The following ROBO2 variants were observed in gnomAD, a reference collection of about 807,000 sequenced individuals.
ROBO2 encodes roundabout guidance receptor 2.
Under a neutral mutation model 160.8 loss-of-function variants are expected in ROBO2, and 53 were observed. That is an observed-to-expected ratio of 0.33 (90% CI 0.26 to 0.41). ROBO2 has a LOEUF of 0.41. Among genes scored for constraint, ROBO2 ranks in the 10% least tolerant of loss-of-function variants. The pLI is 1.00. For synonymous variants in ROBO2, 664 were observed against 611.7 expected (o/e 1.09, Z -1.26); for missense variants, 1,577 against 1,722.4 (o/e 0.92, Z 1.49).
At chr3:77,422,663 C>T (rs2153533608) in intron 2 of ROBO2, among the ~76,000 whole-genome samples, 1 of 152,202 alleles carries the variant, frequency 6.6e-6, no homozygotes, top group Non-Finnish European at 1.5e-5. Flanking sequence ...GTGTTCTTTA[C>T]ATTTATTTGA....
chr3:76,861,049 A>G (rs2070725790), intron 2 of ROBO2, among the ~76,000 whole-genome samples: 1 of 152,144 alleles, frequency 6.6e-6, no homozygotes, highest in South Asian at 2.1e-4. Flanking sequence ...CATCCAGTCA[A>G]TTCCATCAAG....
chr3:76,111,383 G>A (rs1029039926), intron 2 of ROBO2, among the ~76,000 whole-genome samples: 1 of 151,994 alleles, frequency 6.6e-6, no homozygotes, highest in Non-Finnish European at 1.5e-5. Context: ...TTGATACAAT[G>A]ATATTGAGCT....
At chr3:76,089,361 A>G (rs1015963396) in intron 2 of ROBO2, among the ~76,000 whole-genome samples, 5 of 152,112 alleles carry the variant, frequency 3.3e-5, no homozygotes, top group Admixed American at 3.3e-4. Context: ...CTAATAAAAA[A>G]AACCAAAGAT....
chr3:76,787,115 C>T (rs762551829), intron 2 of ROBO2, among the ~76,000 whole-genome samples: 82 of 151,020 alleles, frequency 5.4e-4, no homozygotes, highest in Non-Finnish European at 9.5e-4. Context: ...GAGGGAAGTC[C>T]GCTCTCATGA....
intron 2 of ROBO2, among the ~76,000 whole-genome samples, chr3:77,109,539 C>A (rs889733537): frequency 1.3e-5 from 2 of 151,944 alleles, no homozygotes; most frequent in Admixed American, 1.3e-4. Flanking sequence ...GTGTGAAATA[C>A]AGAGGAGAAG....
chr3:76,800,925 T>C (rs954938243), intron 2 of ROBO2, among the ~76,000 whole-genome samples: 2 of 152,188 alleles, frequency 1.3e-5, no homozygotes, highest in Non-Finnish European at 2.9e-5. Context: ...AGGAAATCAG[T>C]ATATTGAAGA....
chr3:76,975,409 G>C (rs2059767159), intron 2 of ROBO2, among the ~76,000 whole-genome samples: 1 of 152,194 alleles, frequency 6.6e-6, no homozygotes, highest in Non-Finnish European at 1.5e-5. Context: ...GGAGGCTGAG[G>C]CAGGAGAATC....
At chr3:76,580,343 T>TTTG (rs2085609765) in intron 2 of ROBO2, among the ~76,000 whole-genome samples, 8 of 7,294 alleles carry the variant, frequency 1.1e-3, no homozygotes, top group Non-Finnish European at 4.3e-3. Context: ...TTTTTTTGTG[T>TTTG]TTTTTTTTTT....
At chr3:76,318,748 A>G (rs926452903) in intron 2 of ROBO2, among the ~76,000 whole-genome samples, 10 of 152,126 alleles carry the variant, frequency 6.6e-5, no homozygotes, top group African/African-American at 2.2e-4. Context: ...CATTTTTTTT[A>G]GTTTTCAAAT....
At chr3:77,527,444 A>G in intron 6 of ROBO2, 30 bp downstream of exon 7, 1 of 1,281,980 alleles carries the variant, frequency 7.8e-7, no homozygotes, top group Non-Finnish European at 1.0e-6. Flanking sequence ...TCCACTAAGC[A>G]TGGCTTTGCA....
chr3:77,640,394 G>T (rs1271010619), intron 24 of ROBO2, among the ~76,000 whole-genome samples: 2 of 152,140 alleles, frequency 1.3e-5, no homozygotes, highest in Non-Finnish European at 2.9e-5. Flanking sequence ...ATTTACAGGC[G>T]TGAGCCACTG....
chr3:77,341,297 A>G (rs760128927), intron 2 of ROBO2, among the ~76,000 whole-genome samples: 36 of 152,164 alleles, frequency 2.4e-4, no homozygotes, highest in Admixed American at 5.9e-4. Flanking sequence ...ATCATTATAT[A>G]TCTGACCTTT....
At chr3:76,475,461 C>G (rs546066067) in intron 2 of ROBO2, among the ~76,000 whole-genome samples, 1 of 152,052 alleles carries the variant, frequency 6.6e-6, no homozygotes, top group East Asian at 1.9e-4. Context: ...AATATTTTGA[C>G]AGAAAAACTT....
chr3:76,176,213 C>G (rs1559614541), intron 2 of ROBO2, among the ~76,000 whole-genome samples: 1 of 151,968 alleles, frequency 6.6e-6, no homozygotes, highest in Admixed American at 6.6e-5. Flanking sequence ...CATGCAAGCC[C>G]ATCTTTGTCA....
intron 2 of ROBO2, among the ~76,000 whole-genome samples, chr3:76,775,782 C>T (rs980591648): frequency 2.0e-5 from 3 of 150,500 alleles, no homozygotes; most frequent in South Asian, 2.1e-4. Flanking sequence ...AATTGTATTA[C>T]GAAGCTTAGG....
chr3:75,920,625 GGTT>G (rs775129930), intron 1 of ROBO2, among the ~76,000 whole-genome samples: 34 of 152,062 alleles, frequency 2.2e-4, no homozygotes, highest in Non-Finnish European at 3.7e-4. Context: ...ATTGATAGTG[GGTT>G]GTTAAAGTTT....
At chr3:76,431,695 G>A (rs17014174) in intron 2 of ROBO2, among the ~76,000 whole-genome samples, 1,575 of 152,050 alleles carry the variant, frequency 0.01, 34 homozygotes, top group South Asian at 0.058. Context: ...TGAGTATTTC[G>A]TGACACCAAA....
chr3:76,762,148 T>A (rs923761297), intron 2 of ROBO2, among the ~76,000 whole-genome samples: 2 of 151,628 alleles, frequency 1.3e-5, no homozygotes, highest in African/African-American at 2.4e-5. Flanking sequence ...ATGGATTTTT[T>A]AAGCATTTAG....
chr3:75,945,316 CAG>C (rs960969936), intron 2 of ROBO2, among the ~76,000 whole-genome samples: 1 of 152,060 alleles, frequency 6.6e-6, no homozygotes, highest in Non-Finnish European at 1.5e-5. Context: ...AAAGGCCACA[CAG>C]AGAAGATGGC....
Sources: allele counts gnomAD v4.1 joint callset (sites outside exome capture counted in the v4.1 genomes callset), GRCh38; gene constraint gnomAD v4.1.1; transcripts MANE v1.5; gene names NCBI Gene and HGNC (gene_info 2026-07-23, HGNC 2026-07-21).